AKT3: variants seen among roughly 807,000 people sequenced by gnomAD.
AKT3 encodes the protein RAC-gamma serine/threonine-protein kinase.
AKT3 carries 15 observed loss-of-function variants against 65.3 expected under a neutral mutation model. The ratio of observed to expected loss-of-function variants is 0.23; its 90% CI spans 0.15 to 0.35. AKT3 has a LOEUF of 0.35. AKT3 is among the 10% of genes least tolerant of loss of function. The pLI is 1.00. For synonymous variants in AKT3, 206 were observed against 183.8 expected, an observed-to-expected ratio of 1.12 and a Z score of -0.98; for missense variants, 243 against 576.5, an observed-to-expected ratio of 0.42 and a Z score of 5.92.
chr1:243,815,508 CTAA>C (rs1473786834), intron 2 of AKT3, among the ~76,000 whole-genome samples: 1 of 151,794 alleles, frequency 6.6e-6, no homozygotes, highest in African/African-American at 2.4e-5. Flanking sequence ...CATGCTTTCA[CTAA>C]TGTTTCAAAA....
At chr1:243,768,973 T>G (rs2345994) in intron 2 of AKT3, among the ~76,000 whole-genome samples, 1 of 151,890 alleles carries the variant, frequency 6.6e-6, no homozygotes, top group African/African-American at 2.4e-5. Context: ...GCCCCAAATA[T>G]AAATCCAGAA....
At chr1:243,510,105 C>A (rs1669925594) in intron 13 of AKT3, among the ~76,000 whole-genome samples, 1 of 152,140 alleles carries the variant, frequency 6.6e-6, no homozygotes, top group African/African-American at 2.4e-5. Flanking sequence ...ATGCCAAATG[C>A]TCTATTTAAG....
intron 2 of AKT3, among the ~76,000 whole-genome samples, chr1:243,842,601 A>G (rs539677343): frequency 6.6e-6 from 1 of 152,316 alleles, no homozygotes; most frequent in East Asian, 1.9e-4. Context: ...TACACACACA[A>G]AAAATCCTTG....
chr1:243,740,406 G>C (rs1234597193), intron 2 of AKT3, among the ~76,000 whole-genome samples: 4 of 152,126 alleles, frequency 2.6e-5, no homozygotes, highest in Non-Finnish European at 5.9e-5. Context: ...TGGTAAGATG[G>C]AGTATTTTAA....
chr1:243,826,493 C>A (rs537453126), intron 2 of AKT3, among the ~76,000 whole-genome samples: 1 of 152,130 alleles, frequency 6.6e-6, no homozygotes, highest in Non-Finnish European at 1.5e-5. Flanking sequence ...AGTCTGATAG[C>A]GAGCTTCGGA....
rs1044286762 is a variant in AKT3, at chr1:243,710,310, T to TA, written c.47-14595dup. ...CTTTGGTACTGTAAGTTGTTTTTTA[T>TA]AAAAAACAACAAAAATTATTTGTTT... On this transcript the variant is annotated intron_variant, in intron 2 of 13. Transcript: ENST00000673466. Among the ~76,000 whole-genome samples the TA allele has an allele frequency of 2.1e-3, 320 of 152,282 alleles. 3 individuals carry two copies. Among genetic ancestry groups the TA allele is most frequent in the African/African-American group, 7.3e-3 (305 of 41,566 alleles).
chr1:243,614,674 G>T (rs1678163929), intron 7 of AKT3, among the ~76,000 whole-genome samples: 1 of 151,964 alleles, frequency 6.6e-6, no homozygotes, highest in Non-Finnish European at 1.5e-5. Context: ...AAACATTTCT[G>T]CCTTCCATAT....
At chr1:243,666,483 G>C (rs1418929224) in intron 3 of AKT3, among the ~76,000 whole-genome samples, 2 of 152,122 alleles carry the variant, frequency 1.3e-5, no homozygotes, top group Admixed American at 1.3e-4. Flanking sequence ...AACACATAGT[G>C]AATATTTCTA....
intron 13 of AKT3, among the ~76,000 whole-genome samples, chr1:243,506,529 T>C (rs991390924): frequency 2.0e-5 from 3 of 152,222 alleles, no homozygotes; most frequent in African/African-American, 7.2e-5. Context: ...GGCTCTGCCT[T>C]TGTCTGAAGA....
intron 2 of AKT3, among the ~76,000 whole-genome samples, chr1:243,707,493 C>CA (rs921538270): frequency 6.6e-6 from 1 of 151,778 alleles, no homozygotes. Flanking sequence ...AACTATAGGG[C>CA]AAAAAAATCA....
Position 243,580,393 on chromosome 1 carries a change from C to T in AKT3, c.697-7345G>A, listed in dbSNP as rs547686860. On this transcript the variant is annotated intron_variant, in intron 8 of 13. Transcript: ENST00000673466. The stretch of plus-strand genomic sequence containing the variant: ...GGGGAGTGGCCTGGAGTCACTGTGA[C>T]GGAAAAAGCTGAAGGCATTTTTCCA... Among the ~76,000 whole-genome samples the T allele has an allele frequency of 8.1e-4, 123 of 152,164 alleles. 1 individual carries two copies. The highest frequency in any genetic ancestry group is 6.8e-3 in the Middle Eastern group (2 of 294).
intron 5 of AKT3, among the ~76,000 whole-genome samples, chr1:243,640,022 A>G (rs320326): frequency 0.044 from 6,772 of 152,282 alleles, 522 homozygotes; most frequent in African/African-American, 0.15. Flanking sequence ...AGAAATGCCT[A>G]CGTTCACTTT....
At chr1:243,785,066 T>C (rs183806555) in intron 2 of AKT3, among the ~76,000 whole-genome samples, 3,304 of 149,282 alleles carry the variant, frequency 0.022, 118 homozygotes, top group African/African-American at 0.077. Context: ...CAACTCAATT[T>C]TTTTTTTTTT....
intron 2 of AKT3, among the ~76,000 whole-genome samples, chr1:243,718,061 A>G (rs903959528): frequency 6.6e-6 from 1 of 152,238 alleles, no homozygotes; most frequent in East Asian, 1.9e-4. Flanking sequence ...TTCATTTTAC[A>G]TTGGATGCTA....
chr1:243,721,819 A>G (rs1424142622), intron 2 of AKT3, among the ~76,000 whole-genome samples: 1 of 152,166 alleles, frequency 6.6e-6, no homozygotes, highest in African/African-American at 2.4e-5. Context: ...GTGTAGTATT[A>G]GATAACACTC....
At chr1:243,495,667 C>T (rs565304208), downstream of AKT3, among the ~76,000 whole-genome samples, 49 of 152,280 alleles carry the variant, frequency 3.2e-4, no homozygotes, top group Non-Finnish European at 5.3e-4. Context: ...GACTGCCCCT[C>T]GGCTCTGTAG....
intron 13 of AKT3, among the ~76,000 whole-genome samples, chr1:243,507,057 C>G (rs1359829358): frequency 6.6e-6 from 1 of 152,220 alleles, no homozygotes; most frequent in African/African-American, 2.4e-5. Flanking sequence ...AACAATTTTC[C>G]TCACCAACAG....
In AKT3 at chr1:243,500,580, A is replaced by G. The variant is rs999631155; in HGVS notation, c.*4669T>C. 2 of 229,032 alleles carry G rather than the reference A, an allele frequency of 8.7e-6. No individual in the cohort carries two copies. The allele number at this position is 229,032 out of a possible 1,614,324, so 14.2% of individuals were successfully genotyped here. On this transcript the variant is annotated 3_prime_UTR_variant, in exon 14 of 14. Transcript: ENST00000673466. ...ATGCTTTAAAGTAATAAAAACGGAC[A>G]CTGGACATACCGTGTTGTATCTGAG...
intron 6 of AKT3, among the ~76,000 whole-genome samples, chr1:243,626,991 T>C (rs942990979): frequency 1.3e-5 from 2 of 152,210 alleles, no homozygotes; most frequent in African/African-American, 2.4e-5. Flanking sequence ...AACAGTATCA[T>C]GGTGGACCAA....
Sources: allele counts gnomAD v4.1 joint callset (sites outside exome capture counted in the v4.1 genomes callset), GRCh38; gene constraint gnomAD v4.1.1; transcripts MANE v1.5; gene names NCBI Gene and HGNC (gene_info 2026-07-23, HGNC 2026-07-21).